UNC5D: variants seen among roughly 807,000 people sequenced by gnomAD.
UNC5D encodes the protein netrin receptor UNC5D.
Under a neutral mutation model 105.4 loss-of-function variants are expected in UNC5D, and 39 were observed. The ratio of observed to expected loss-of-function variants is 0.37; its 90% confidence interval spans 0.29 to 0.48. UNC5D has a LOEUF of 0.48. Ranked by LOEUF, UNC5D falls within the 20% of genes least tolerant of loss-of-function variation. UNC5D has a pLI of 0.98. For missense variants in UNC5D, 991 were observed against 1,202.4 expected (o/e 0.82, Z 2.60); for synonymous variants, 452 against 450.4 (o/e 1.00, Z -0.04).
At chr8:35,238,035 T>C (rs1484130427) in intron 1 of UNC5D, among the ~76,000 whole-genome samples, 1 of 152,230 alleles carries the variant, frequency 6.6e-6, no homozygotes, top group African/African-American at 2.4e-5. Context: ...GGATTAGCCC[T>C]AGGTTGTTCT....
intron 4 of UNC5D, among the ~76,000 whole-genome samples, chr8:35,650,891 A>T (rs960934151): frequency 6.6e-6 from 1 of 152,214 alleles, no homozygotes; most frequent in Non-Finnish European, 1.5e-5. Context: ...AATGAGAATG[A>T]GATACCTTGT....
rs548290309 is a variant in UNC5D, at chr8:35,362,641, G to A, written c.103+126754G>A. Reference sequence around the variant, plus strand: ...AAACAGTTGCAAAAACAGAATTCCTGTAAATCTGTCTCATTCCCCAAACTG... The same window carrying A: ...AAACAGTTGCAAAAACAGAATTCCTATAAATCTGTCTCATTCCCCAAACTG... On this transcript the variant is annotated intron_variant, in intron 1 of 16. Transcript: ENST00000404895. Among the ~76,000 whole-genome samples, 51 of 152,272 alleles carry A rather than the reference G, an allele frequency of 3.3e-4. 1 individual carries two copies. The Middle Eastern group carries it at 0.01, about 30-fold the overall frequency.
At chr8:35,522,669 C>T (rs1430681060) in intron 1 of UNC5D, among the ~76,000 whole-genome samples, 3 of 152,192 alleles carry the variant, frequency 2.0e-5, no homozygotes, top group African/African-American at 7.2e-5. Flanking sequence ...CTATTAACTA[C>T]TTCAGTGAAC....
At chr8:35,399,927 C>G (rs1980396) in intron 1 of UNC5D, among the ~76,000 whole-genome samples, 65,682 of 151,896 alleles carry the variant, frequency 0.43, 14,526 homozygotes, top group East Asian at 0.71. Context: ...CTGTAATCAG[C>G]TTGGTGACTT....
chr8:35,299,199 G>A (rs751303061), intron 1 of UNC5D, among the ~76,000 whole-genome samples: 9 of 152,166 alleles, frequency 5.9e-5, no homozygotes, highest in Admixed American at 2.0e-4. Context: ...TAAGGTTTCC[G>A]AAATATGTTA....
chr8:35,735,467 C>T (rs1829419393), intron 11 of UNC5D, among the ~76,000 whole-genome samples: 2 of 152,214 alleles, frequency 1.3e-5, no homozygotes, highest in South Asian at 4.1e-4. Flanking sequence ...AATTTGGGCT[C>T]AGCCCAGATG....
intron 1 of UNC5D, among the ~76,000 whole-genome samples, chr8:35,261,946 C>CA (rs962582323): frequency 5.3e-5 from 8 of 151,964 alleles, no homozygotes; most frequent in African/African-American, 1.9e-4. Context: ...TCAGTGCTGG[C>CA]AAAAAATAAA....
At position 35,669,287 on chromosome 8, in the gene UNC5D, TTC is replaced by T. The variant is rs542578008; in HGVS notation, c.571-14254_571-14253del. ...GCCATGTTTAGTTTGATCTTTCTTG[TTC>T]TCTCTTTTTCTCTTTCTTCATTTCA... On this transcript the variant is annotated intron_variant, in intron 4 of 16. Coordinates refer to ENST00000404895, the MANE Select transcript of UNC5D (RefSeq NM_080872.4). Among the ~76,000 whole-genome samples the T allele has an allele frequency of 2.3e-3, 352 of 152,210 alleles. 1 individual carries two copies. The highest frequency in any genetic ancestry group is 8.3e-3 in the African/African-American group (344 of 41,542).
intron 1 of UNC5D, among the ~76,000 whole-genome samples, chr8:35,485,859 C>T (rs376335718): frequency 5.9e-5 from 9 of 152,228 alleles, no homozygotes; most frequent in African/African-American, 1.9e-4. Flanking sequence ...GGGAGATGAT[C>T]GAAGAATGTT....
intron 2 of UNC5D, among the ~76,000 whole-genome samples, chr8:35,561,446 C>G (rs1816959056): frequency 6.6e-6 from 1 of 152,168 alleles, no homozygotes. Context: ...TCCTGTCTCT[C>G]AGGACCTGTG....
intron 1 of UNC5D, among the ~76,000 whole-genome samples, chr8:35,315,313 T>C (rs1370024281): frequency 6.6e-6 from 1 of 152,160 alleles, no homozygotes; most frequent in Non-Finnish European, 1.5e-5. Context: ...TGTTCCCCTA[T>C]GGGGCAGGCT....
intron 1 of UNC5D, 38 bp from the exon 2 acceptor site, chr8:35,549,254 A>G (rs1815923312): frequency 6.9e-6 from 11 of 1,603,800 alleles, no homozygotes; most frequent in South Asian, 1.1e-5. Context: ...TGTGCTATCA[A>G]TGTAGGCTGT....
chr8:35,385,961 CT>C (rs1250901348), intron 1 of UNC5D, among the ~76,000 whole-genome samples: 1 of 152,178 alleles, frequency 6.6e-6, no homozygotes, highest in Non-Finnish European at 1.5e-5. Context: ...ACTTTCACAT[CT>C]AGATACGATT....
intron 1 of UNC5D, among the ~76,000 whole-genome samples, chr8:35,325,615 C>T (rs893612300): frequency 6.6e-6 from 1 of 152,158 alleles, no homozygotes; most frequent in African/African-American, 2.4e-5. Context: ...CACCTGAACA[C>T]ACATACAATG....
intron 4 of UNC5D, among the ~76,000 whole-genome samples, chr8:35,636,445 T>A (rs1419890289): frequency 6.6e-6 from 1 of 152,182 alleles, no homozygotes; most frequent in Non-Finnish European, 1.5e-5. Flanking sequence ...ACCCACTGGG[T>A]GCCTGTAGAA....
intron 4 of UNC5D, among the ~76,000 whole-genome samples, chr8:35,629,382 T>C (rs562667217): frequency 6.6e-6 from 1 of 152,326 alleles, no homozygotes; most frequent in South Asian, 2.1e-4. Flanking sequence ...GCCCAGTTTT[T>C]AATGGGTTTT....
At chr8:35,616,817 C>G (rs1227617704) in intron 4 of UNC5D, among the ~76,000 whole-genome samples, 1 of 152,082 alleles carries the variant, frequency 6.6e-6, no homozygotes, top group Non-Finnish European at 1.5e-5. Context: ...AGGAAAGATC[C>G]GAAGGCCAGC....
At chr8:35,676,070 C>A (rs1372992805) in intron 4 of UNC5D, among the ~76,000 whole-genome samples, 1 of 152,100 alleles carries the variant, frequency 6.6e-6, no homozygotes, top group Non-Finnish European at 1.5e-5. Context: ...CTGTTTACAT[C>A]ATGCTGCCTA....
intron 4 of UNC5D, among the ~76,000 whole-genome samples, chr8:35,626,529 G>A (rs1206422846): frequency 1.3e-5 from 2 of 152,146 alleles, no homozygotes; most frequent in Admixed American, 6.5e-5. Context: ...ATTCTGTAAG[G>A]TGTTGCATTT....
Sources: gnomAD v4.1 joint callset for allele counts (sites outside exome capture counted in the v4.1 genomes callset) on GRCh38, gnomAD v4.1.1 for gene constraint, MANE v1.5 for transcripts, NCBI Gene and HGNC (gene_info 2026-07-23, HGNC 2026-07-21) for gene names.